SNX18: variants seen among roughly 807,000 people sequenced by gnomAD.
The protein encoded by SNX18 is sorting nexin-18.
SNX18 carries 35 observed loss-of-function variants against 48.7 expected under a neutral mutation model. The ratio of observed to expected loss-of-function variants is 0.72; its 90% CI spans 0.55 to 0.95. The LOEUF (loss-of-function observed/expected upper bound fraction) is 0.95, where lower values mean the gene tolerates loss of function less well. Ranked by LOEUF, SNX18 falls within the 40% of genes least tolerant of loss-of-function variation. SNX18 has a pLI of 0.00. For missense variants in SNX18, 824 were observed against 871.0 expected (o/e 0.95, Z 0.68); for synonymous variants, 492 against 384.7 (o/e 1.28, Z -3.26).
the SNX18 span, among the ~76,000 whole-genome samples, chr5:54,632,168 G>T: frequency 0.033 from 4,973 of 152,260 alleles, 268 homozygotes; most frequent in African/African-American, 0.11. Flanking sequence ...TTCCCATGTG[G>T]GGTCCTGCGT....
chr5:54,642,296 A>G, the SNX18 span, among the ~76,000 whole-genome samples: 7 of 152,102 alleles, frequency 4.6e-5, no homozygotes, highest in African/African-American at 1.7e-4. Flanking sequence ...GTTTTTGTAT[A>G]TTATCTCAGT....
downstream of SNX18, among the ~76,000 whole-genome samples, chr5:54,547,106 G>T (rs2910816): frequency 0.21 from 32,128 of 152,094 alleles, 3,871 homozygotes; most frequent in East Asian, 0.45. Flanking sequence ...CTCCTGGCCT[G>T]CCTTTCTTAG....
At chr5:54,565,401 C>T in the SNX18 span, among the ~76,000 whole-genome samples, 1 of 151,946 alleles carries the variant, frequency 6.6e-6, no homozygotes, top group East Asian at 1.9e-4. Context: ...TAGTGAGATC[C>T]TGTCTCTACG....
chr5:54,574,452 C>T, the SNX18 span, among the ~76,000 whole-genome samples: 1 of 152,122 alleles, frequency 6.6e-6, no homozygotes, highest in African/African-American at 2.4e-5. Context: ...ACATGCATGT[C>T]ATTAGTCAGA....
At chr5:54,535,643 A>G (rs1762339334) in intron 1 of SNX18, among the ~76,000 whole-genome samples, 1 of 152,114 alleles carries the variant, frequency 6.6e-6, no homozygotes, top group Admixed American at 6.5e-5. Context: ...GGAGAATGGG[A>G]CGTGCCAGGG....
the SNX18 span, among the ~76,000 whole-genome samples, chr5:54,592,803 TTC>T: frequency 0.071 from 10,833 of 152,102 alleles, 464 homozygotes; most frequent in East Asian, 0.18. Flanking sequence ...AAAATCACAA[TTC>T]TGTTTTTGTT....
chr5:54,588,418 C>A, the SNX18 span, among the ~76,000 whole-genome samples: 6 of 149,172 alleles, frequency 4.0e-5, no homozygotes, highest in Admixed American at 2.0e-4. Flanking sequence ...AGCTCTGCCT[C>A]CCAGGTTCAC....
the SNX18 span, among the ~76,000 whole-genome samples, chr5:54,636,368 CTT>C: frequency 9.3e-5 from 14 of 150,654 alleles, no homozygotes; most frequent in East Asian, 2.3e-3. Flanking sequence ...CCTGGTGCAA[CTT>C]TTTTTTTTAT....
At chr5:54,641,833 G>A in the SNX18 span, among the ~76,000 whole-genome samples, 1 of 152,176 alleles carries the variant, frequency 6.6e-6, no homozygotes, top group South Asian at 2.1e-4. Flanking sequence ...CAACGCGGCA[G>A]CATTGCCTAT....
At position 54,517,807 on chromosome 5, in the gene SNX18, C is replaced by T. The variant is rs917362807; in HGVS notation, c.-146C>T. The T allele has an allele frequency of 1.4e-5, 11 of 770,692 alleles. No individual in the cohort carries two copies. The African/African-American group carries it at 1.5e-4, about 10-fold the overall frequency. 47.7% of individuals were successfully genotyped at this position (770,692 alleles called of 1,614,324 possible). On this transcript the variant is annotated 5_prime_UTR_variant, in exon 1 of 2. Coordinates refer to ENST00000381410, the MANE Select transcript of SNX18 (RefSeq NM_001102575.2). ...GCTGCGAGCGGAGCCGCGCGGAGGG[C>T]GCGACCGGCTGGTCCGGGCAGCGTG...
chr5:54,626,760 CA>C, the SNX18 span, among the ~76,000 whole-genome samples: 2 of 152,124 alleles, frequency 1.3e-5, no homozygotes, highest in Non-Finnish European at 2.9e-5. Flanking sequence ...TTCTCCAGTC[CA>C]AAATGTCAGT....
chr5:54,606,823 C>T, the SNX18 span, among the ~76,000 whole-genome samples: 1 of 152,132 alleles, frequency 6.6e-6, no homozygotes, highest in Non-Finnish European at 1.5e-5. Flanking sequence ...TTTGTACTCA[C>T]GTGTGTGTAT....
chr5:54,534,090 G>T (rs986315195), intron 1 of SNX18, among the ~76,000 whole-genome samples: 1 of 152,112 alleles, frequency 6.6e-6, no homozygotes, highest in Admixed American at 6.6e-5. Flanking sequence ...CTAAGCAGCT[G>T]TCCCTGCTGC....
chr5:54,519,619 G>A (rs767499547), intron 1 of SNX18, 46 bp downstream of exon 1: 2 of 1,614,228 alleles, frequency 1.2e-6, no homozygotes, highest in South Asian at 2.2e-5. Flanking sequence ...GTATTGTGCA[G>A]GCTGAAAGGG....
chr5:54,627,095 G>T, the SNX18 span, among the ~76,000 whole-genome samples: 3 of 152,168 alleles, frequency 2.0e-5, no homozygotes, highest in Non-Finnish European at 4.4e-5. Flanking sequence ...GGATGATCTG[G>T]TGTGCTAAGA....
At chr5:54,604,362 C>A in the SNX18 span, among the ~76,000 whole-genome samples, 1 of 152,136 alleles carries the variant, frequency 6.6e-6, no homozygotes, top group Non-Finnish European at 1.5e-5. Flanking sequence ...GTGGGAACAA[C>A]CCAAAGGTCT....
chr5:54,558,458 C>A, the SNX18 span, among the ~76,000 whole-genome samples: 47,655 of 152,002 alleles, frequency 0.31, 7,700 homozygotes, highest in Middle Eastern at 0.39. Context: ...AGCAGTACAA[C>A]CCATGTTGAG....
the SNX18 span, among the ~76,000 whole-genome samples, chr5:54,593,508 A>G: frequency 6.6e-6 from 1 of 152,244 alleles, no homozygotes; most frequent in Non-Finnish European, 1.5e-5. Context: ...TACCTGTCAA[A>G]ATCTCAGCAG....
the SNX18 span, among the ~76,000 whole-genome samples, chr5:54,614,379 A>G: frequency 6.6e-6 from 1 of 152,232 alleles, no homozygotes; most frequent in Admixed American, 6.5e-5. Flanking sequence ...AAACTTCTAG[A>G]TTTTAAAACA....
Sources: gnomAD v4.1 joint callset for allele counts (sites outside exome capture counted in the v4.1 genomes callset) on GRCh38, gnomAD v4.1.1 for gene constraint, MANE v1.5 for transcripts, NCBI Gene and HGNC (gene_info 2026-07-23, HGNC 2026-07-21) for gene names.